Variants in CREB5 observed in about 807,000 individuals in gnomAD.
The protein encoded by CREB5 is cyclic AMP-responsive element-binding protein 5.
CREB5 carries 19 observed loss-of-function variants against 57.1 expected under a neutral mutation model. The ratio of observed to expected loss-of-function variants is 0.33; its 90% confidence interval spans 0.23 to 0.49. The LOEUF (loss-of-function observed/expected upper bound fraction) is 0.49. Ranked by LOEUF, CREB5 falls within the 20% of genes least tolerant of loss-of-function variation. The pLI is 0.99. For synonymous variants in CREB5, 238 were observed against 238.3 expected (o/e 1.00, Z 0.01); for missense variants, 579 against 671.6 (o/e 0.86, Z 1.52).
At chr7:28,573,575 C>T (rs1350581236) in intron 5 of CREB5, among the ~76,000 whole-genome samples, 21 of 152,210 alleles carry the variant, frequency 1.4e-4, no homozygotes. Context: ...GCTCCCCCCT[C>T]TTCCCTTCCC....
chr7:28,345,752 T>C (rs1325449767), intron 1 of CREB5, among the ~76,000 whole-genome samples: 3 of 152,158 alleles, frequency 2.0e-5, no homozygotes, highest in African/African-American at 7.2e-5. Flanking sequence ...TGATGCCAGA[T>C]GAAGATAGGC....
At chr7:28,541,588 AC>A (rs1794213618) in intron 4 of CREB5, among the ~76,000 whole-genome samples, 1 of 152,094 alleles carries the variant, frequency 6.6e-6, no homozygotes, top group African/African-American at 2.4e-5. Context: ...AATCACTTGA[AC>A]CCGGGAGGCA....
chr7:28,793,162 GC>G (rs1807827529), intron 7 of CREB5, among the ~76,000 whole-genome samples: 1 of 152,006 alleles, frequency 6.6e-6, no homozygotes, highest in Non-Finnish European at 1.5e-5. Context: ...AGTACTGGGA[GC>G]CCCCACACTT....
At chr7:28,648,309 A>G (rs1177971649) in intron 5 of CREB5, among the ~76,000 whole-genome samples, 1 of 152,186 alleles carries the variant, frequency 6.6e-6, no homozygotes, top group African/African-American at 2.4e-5. Flanking sequence ...GAGGAGATAT[A>G]AAGACAATGG....
intron 5 of CREB5, among the ~76,000 whole-genome samples, chr7:28,658,213 C>T (rs1307506298): frequency 1.3e-5 from 2 of 152,138 alleles, no homozygotes. Context: ...GGAGCCATTT[C>T]TCTCATGCAC....
chr7:28,790,472 G>GAGAGAGAGAA lies in CREB5; in HGVS notation c.703-13724_703-13723insGAGAGAAAGA, dbSNP rs1562643098. 2.8e-4 allele frequency among the ~76,000 whole-genome samples: 35 copies of GAGAGAGAGAA among 124,846 alleles called. 1 individual carries two copies. Among genetic ancestry groups the GAGAGAGAGAA allele is most frequent in the Admixed American group, 1.6e-3 (21 of 13,052 alleles). The allele number at this position is 124,846 out of a possible 152,430, so 81.9% of individuals were successfully genotyped here. A position where few individuals can be genotyped will look rare whatever the true frequency, so the allele number is the denominator to read the frequency against. On this transcript the variant is annotated intron_variant, in intron 7 of 10. Transcript: ENST00000357727. Reference sequence around the variant, plus strand: ...AGAGAGAGAGAGAGATAGAGAGAGAGAGAAAGAAAGAAAGAAAGAGAAGGA... The same window carrying GAGAGAGAGAA: ...AGAGAGAGAGAGAGATAGAGAGAGAGAGAGAGAGAAAGAAAGAAAGAAAGAAAGAGAAGGA...
chr7:28,417,236 G>A (rs1376763741), intron 1 of CREB5, among the ~76,000 whole-genome samples: 2 of 152,276 alleles, frequency 1.3e-5, no homozygotes, highest in Admixed American at 6.5e-5. Context: ...AAAAGAAACA[G>A]GTGAAGTCAT....
chr7:28,532,793 C>G (rs974420523), intron 4 of CREB5, among the ~76,000 whole-genome samples: 2 of 152,206 alleles, frequency 1.3e-5, no homozygotes, highest in East Asian at 3.8e-4. Context: ...TGTATCCCAG[C>G]TTTTGCCAGC....
At chr7:28,352,268 G>T (rs966489346) in intron 1 of CREB5, among the ~76,000 whole-genome samples, 2 of 152,116 alleles carry the variant, frequency 1.3e-5, no homozygotes, top group Non-Finnish European at 2.9e-5. Context: ...TGTTGGGAAT[G>T]GTCTCTCTTC....
At chr7:28,402,183 T>C (rs1020564312) in intron 1 of CREB5, among the ~76,000 whole-genome samples, 3 of 152,274 alleles carry the variant, frequency 2.0e-5, no homozygotes, top group African/African-American at 7.2e-5. Context: ...CATTTTTTAA[T>C]GTGTCTGTTG....
At chr7:28,355,224 C>T (rs1786316593) in intron 1 of CREB5, among the ~76,000 whole-genome samples, 1 of 152,214 alleles carries the variant, frequency 6.6e-6, no homozygotes, top group South Asian at 2.1e-4. Context: ...CTCTGTGAAG[C>T]TCCTGCTCCC....
At chr7:28,804,175 C>T (rs1808548680) in intron 7 of CREB5, 24 bp from the exon 8 acceptor site, 3 of 1,601,336 alleles carry the variant, frequency 1.9e-6, no homozygotes, top group African/African-American at 2.7e-5. Context: ...GTTGTTCTCT[C>T]TCCTCCCTTT....
chr7:28,717,627 T>G (rs1802772384), intron 5 of CREB5, among the ~76,000 whole-genome samples: 1 of 152,168 alleles, frequency 6.6e-6, no homozygotes, highest in Non-Finnish European at 1.5e-5. Context: ...AGAACATCTC[T>G]GTCTGCAACC....
chr7:28,482,382 A>T (rs1791371606), intron 1 of CREB5, among the ~76,000 whole-genome samples: 1 of 152,228 alleles, frequency 6.6e-6, no homozygotes, highest in Non-Finnish European at 1.5e-5. Flanking sequence ...GTATTGAGAT[A>T]AATATTTGCT....
At chr7:28,579,061 C>T (rs1417458645) in intron 5 of CREB5, among the ~76,000 whole-genome samples, 1 of 152,214 alleles carries the variant, frequency 6.6e-6, no homozygotes, top group African/African-American at 2.4e-5. Flanking sequence ...GTGACTCTGA[C>T]TGTACCATGC....
intron 1 of CREB5, among the ~76,000 whole-genome samples, chr7:28,355,883 C>T (rs930922548): frequency 2.6e-5 from 4 of 152,190 alleles, no homozygotes; most frequent in Non-Finnish European, 4.4e-5. Flanking sequence ...AGTGCCAGGC[C>T]CACTGCAATA....
At chr7:28,533,594 C>T (rs1793826899) in intron 4 of CREB5, among the ~76,000 whole-genome samples, 1 of 152,224 alleles carries the variant, frequency 6.6e-6, no homozygotes. Context: ...AAGTTCCCCA[C>T]TTATAATTTC....
intron 1 of CREB5, among the ~76,000 whole-genome samples, chr7:28,446,055 T>C (rs556684819): frequency 6.6e-6 from 1 of 152,366 alleles, no homozygotes; most frequent in East Asian, 1.9e-4. Context: ...GCACCTTTCC[T>C]GAAGTCAACT....
chr7:28,797,270 T>A (rs1808103521), intron 7 of CREB5, among the ~76,000 whole-genome samples: 1 of 152,192 alleles, frequency 6.6e-6, no homozygotes, highest in Non-Finnish European at 1.5e-5. Context: ...TGAAATACCA[T>A]CCTTACTCAT....
Sources: gnomAD v4.1 joint callset for allele counts (sites outside exome capture counted in the v4.1 genomes callset) on GRCh38, gnomAD v4.1.1 for gene constraint, MANE v1.5 for transcripts, NCBI Gene and HGNC (gene_info 2026-07-23, HGNC 2026-07-21) for gene names.